Variants in TIAM1 observed in about 807,000 individuals in gnomAD.
TIAM1 encodes rho guanine nucleotide exchange factor TIAM1.
A neutral mutation model predicts 163.5 loss-of-function variants in TIAM1; 65 were observed. The ratio of observed to expected loss-of-function variants is 0.40; its 90% confidence interval spans 0.33 to 0.49. TIAM1 has a LOEUF of 0.49. Ranked by LOEUF, TIAM1 falls within the 20% of genes least tolerant of loss-of-function variation. TIAM1 has a pLI of 0.77. For missense variants in TIAM1, 1,789 were observed against 2,044.7 expected (o/e 0.87, Z 2.41); for synonymous variants, 833 against 810.1 (o/e 1.03, Z -0.48).
At position 31,471,975 on chromosome 21, in the gene TIAM1, A is replaced by G. The variant is rs2045759207; in HGVS notation, c.-421-7940T>C. Reference sequence around the variant, plus strand: ...CCTTGAGTCCACAGGGAGCCCTACAATGATCTCCATCTCCCATGCTGTGGT... The same window carrying G: ...CCTTGAGTCCACAGGGAGCCCTACAGTGATCTCCATCTCCCATGCTGTGGT... On this transcript the variant is annotated intron_variant, in intron 1 of 28. Coordinates refer to the TIAM1 transcript ENST00000286827. 2.8e-5 allele frequency among the ~76,000 whole-genome samples: 4 copies of G among 144,252 alleles called. No homozygotes were observed. In the South Asian group the frequency reaches 8.7e-4, roughly 31 times the overall value. 94.6% of individuals were successfully genotyped at this position (144,252 alleles called of 152,430 possible).
intron 2 of TIAM1, among the ~76,000 whole-genome samples, chr21:31,315,846 G>A (rs1298788253): frequency 6.6e-6 from 1 of 151,746 alleles, no homozygotes; most frequent in Non-Finnish European, 1.5e-5. Flanking sequence ...GTGTGGTGGT[G>A]CACGCCTGTA....
intron 4 of TIAM1, among the ~76,000 whole-genome samples, chr21:31,257,849 G>T (rs1318558684): frequency 6.6e-6 from 1 of 151,994 alleles, no homozygotes. Context: ...AGGCTTCTCT[G>T]TGCTTCCTCC....
intron 2 of TIAM1, among the ~76,000 whole-genome samples, chr21:31,420,612 CACT>C (rs1401651288): frequency 3.9e-5 from 6 of 152,322 alleles, no homozygotes; most frequent in African/African-American, 1.4e-4. Context: ...TGGTCTACAT[CACT>C]GTTAGTGTTG....
chr21:31,411,444 G>A (rs1379552982), intron 2 of TIAM1, among the ~76,000 whole-genome samples: 3 of 146,622 alleles, frequency 2.0e-5, no homozygotes, highest in African/African-American at 5.1e-5. Flanking sequence ...GAAGATAAAT[G>A]TATACATGTG....
chr21:31,332,935 T>C (rs762514892), intron 2 of TIAM1, among the ~76,000 whole-genome samples: 1 of 152,098 alleles, frequency 6.6e-6, no homozygotes, highest in African/African-American at 2.4e-5. Flanking sequence ...GTCCCAACTC[T>C]TAAAAAGAAC....
chr21:31,312,659 C>A (rs1371316654), intron 2 of TIAM1, among the ~76,000 whole-genome samples: 1 of 152,148 alleles, frequency 6.6e-6, no homozygotes, highest in Non-Finnish European at 1.5e-5. Flanking sequence ...ATAATAGGGT[C>A]ACTTTACAAT....
At chr21:31,130,817 G>A (rs891613645) in intron 24 of TIAM1, 73 bp downstream of exon 24, 1 of 1,413,986 alleles carries the variant, frequency 7.1e-7, no homozygotes, top group Non-Finnish European at 1.0e-6. Flanking sequence ...CAAAATGGTA[G>A]AATTATGCAG....
At chr21:31,210,728 AG>A (rs2146561701) in intron 10 of TIAM1, among the ~76,000 whole-genome samples, 2 of 111,752 alleles carry the variant, frequency 1.8e-5, no homozygotes, top group Middle Eastern at 4.3e-3. Context: ...AAAGAAAGAA[AG>A]AGAAAGAAGG....
chr21:31,275,996 A>G (rs1203393949), intron 3 of TIAM1, among the ~76,000 whole-genome samples: 1 of 152,234 alleles, frequency 6.6e-6, no homozygotes, highest in Non-Finnish European at 1.5e-5. Context: ...CCAAAACTGC[A>G]GGAGAAAGGA....
At chr21:31,225,982 G>C in intron 6 of TIAM1, 32 bp from the exon 7 acceptor site, 1 of 1,596,550 alleles carries the variant, frequency 6.3e-7, no homozygotes, top group Middle Eastern at 1.8e-4. Context: ...GGAAGAAAAA[G>C]GCACCTCTTA....
chr21:31,372,149 CA>C (rs1398810506), intron 2 of TIAM1, among the ~76,000 whole-genome samples: 3 of 152,194 alleles, frequency 2.0e-5, no homozygotes, highest in Non-Finnish European at 4.4e-5. Flanking sequence ...CACATCCCAT[CA>C]GCTTTCTTAT....
rs535527829 is a variant in TIAM1 at position 31,167,861 on chromosome 21, A to G, written c.2888-2796T>C. ...GGTTTTAACTGTAAGCCCATGATAC[A>G]TGATACAGAAAACAGGGCTTGGGTC... On this transcript the variant is annotated intron_variant, in intron 15 of 27. Transcript: ENST00000541036. 7.9e-5 allele frequency among the ~76,000 whole-genome samples: 12 copies of G among 152,288 alleles called. No homozygotes were observed. In the South Asian group the frequency reaches 2.5e-3, roughly 32 times the overall value.
At chr21:31,129,522 T>G (rs948359397) in intron 25 of TIAM1, among the ~76,000 whole-genome samples, 1 of 152,188 alleles carries the variant, frequency 6.6e-6, no homozygotes, top group Non-Finnish European at 1.5e-5. Flanking sequence ...CTACAAAATA[T>G]TTAAAAAATT....
chr21:31,271,812 T>C (rs961576637), intron 3 of TIAM1, among the ~76,000 whole-genome samples: 2 of 152,174 alleles, frequency 1.3e-5, no homozygotes, highest in Non-Finnish European at 2.9e-5. Flanking sequence ...GGTCAAAGCA[T>C]CAGGAGTTCC....
chr21:31,342,865 C>T (rs796694872), intron 1 of TIAM1, among the ~76,000 whole-genome samples: 2 of 152,312 alleles, frequency 1.3e-5, no homozygotes, highest in South Asian at 2.1e-4. Context: ...GTGGGAGAGT[C>T]AGAGCAAGCT....
intron 13 of TIAM1, among the ~76,000 whole-genome samples, chr21:31,192,516 C>G (rs1416118538): frequency 6.6e-6 from 1 of 151,940 alleles, no homozygotes; most frequent in Non-Finnish European, 1.5e-5. Context: ...ACTTGGGAAG[C>G]AGGAGAATCA....
intron 3 of TIAM1, among the ~76,000 whole-genome samples, chr21:31,268,671 C>T (rs1004423341): frequency 6.6e-6 from 1 of 152,130 alleles, no homozygotes; most frequent in East Asian, 1.9e-4. Context: ...GATTTCAAAG[C>T]AATATGTTCA....
At chr21:31,203,156 CTT>C (rs1230488257) in intron 11 of TIAM1, 144 bp from the exon 12 acceptor site, 1 of 722,842 alleles carries the variant, frequency 1.4e-6, no homozygotes, top group Non-Finnish European at 2.3e-6. Context: ...GAGTTTCACT[CTT>C]GTTGCCCAGC....
At position 31,353,825 on chromosome 21, in the gene TIAM1, ATTTAT is replaced by A. The variant is rs1222635811; in HGVS notation, c.-368-14408_-368-14404del. Among the ~76,000 whole-genome samples, 24 of 82,302 alleles carry A rather than the reference ATTTAT, an allele frequency of 2.9e-4. 1 individual carries two copies. Among genetic ancestry groups the A allele is most frequent in the African/African-American group, 9.9e-4 (23 of 23,246 alleles). The allele number at this position is 82,302 out of a possible 152,430, so 54.0% of individuals were successfully genotyped here. The stretch of plus-strand genomic sequence containing the variant: ...TTGATTTATTTGTTTTTATTTATTT[ATTTAT>A]TTATCTTTTTTTTTTTTTTTTTTTT... On this transcript the variant is annotated intron_variant, in intron 2 of 28. Coordinates refer to the TIAM1 transcript ENST00000286827.
Sources: gnomAD v4.1 joint callset for allele counts (sites outside exome capture counted in the v4.1 genomes callset) on GRCh38, gnomAD v4.1.1 for gene constraint, MANE v1.5 for transcripts, NCBI Gene and HGNC (gene_info 2026-07-23, HGNC 2026-07-21) for gene names.